NAALADL2: variants seen among roughly 807,000 people sequenced by gnomAD.
NAALADL2 encodes inactive N-acetylated-alpha-linked acidic dipeptidase-like protein 2.
Under a neutral mutation model 87.2 loss-of-function variants are expected in NAALADL2, and 76 were observed. The observed-to-expected ratio is 0.87, with a 90% CI of 0.72 to 1.05. The LOEUF is 1.05. Ranked by LOEUF, NAALADL2 falls within the 50% of genes least tolerant of loss-of-function variation. The pLI, the probability that NAALADL2 is intolerant of heterozygous loss-of-function variation, is 0.00. For synonymous variants in NAALADL2, 354 were observed against 331.0 expected, an observed-to-expected ratio of 1.07 and a Z score of -0.75; for missense variants, 1,089 against 945.8, an observed-to-expected ratio of 1.15 and a Z score of -1.99.
chr3:175,797,230 A>G (rs1753607875), intron 13 of NAALADL2, among the ~76,000 whole-genome samples: 1 of 152,192 alleles, frequency 6.6e-6, no homozygotes. Context: ...TTACATTTAT[A>G]AGATCCAAAT....
intron 2 of NAALADL2, among the ~76,000 whole-genome samples, chr3:174,725,154 C>G (rs1732068455): frequency 2.0e-5 from 3 of 152,184 alleles, no homozygotes; most frequent in Non-Finnish European, 4.4e-5. Flanking sequence ...AGGTACTCTT[C>G]TAGTTCCACT....
chr3:174,870,026 AAAAAG>A (rs1727617889), intron 1 of NAALADL2, among the ~76,000 whole-genome samples: 2 of 150,728 alleles, frequency 1.3e-5, no homozygotes, highest in African/African-American at 2.4e-5. Context: ...AAAAAAAAAA[AAAAAG>A]GCTAATTATG....
intron 3 of NAALADL2, among the ~76,000 whole-genome samples, chr3:174,811,063 T>G (rs2109295254): frequency 6.6e-6 from 1 of 152,246 alleles, no homozygotes. Context: ...AGTTGAAAAT[T>G]AGGAGCCTCC....
intron 2 of NAALADL2, among the ~76,000 whole-genome samples, chr3:174,703,188 G>A (rs142276835): frequency 7.7e-4 from 117 of 152,148 alleles, no homozygotes; most frequent in African/African-American, 2.7e-3. Context: ...TGCCCAAGGT[G>A]GAGTGCAGTG....
intron 1 of NAALADL2, among the ~76,000 whole-genome samples, chr3:175,015,440 C>T (rs1750688237): frequency 2.0e-5 from 3 of 152,084 alleles, no homozygotes; most frequent in Admixed American, 1.3e-4. Context: ...TGAGTGGTCA[C>T]TCTCATGTCA....
chr3:174,629,949 T>G (rs1298975484), intron 2 of NAALADL2, among the ~76,000 whole-genome samples: 1 of 152,200 alleles, frequency 6.6e-6, no homozygotes, highest in Non-Finnish European at 1.5e-5. Context: ...AGCGTAATGT[T>G]GTGCATAAAG....
At chr3:174,735,594 C>G (rs1273874599) in intron 2 of NAALADL2, among the ~76,000 whole-genome samples, 1 of 152,160 alleles carries the variant, frequency 6.6e-6, no homozygotes, top group African/African-American at 2.4e-5. Flanking sequence ...GGATCTCACT[C>G]TGTCACCCAG....
intron 2 of NAALADL2, among the ~76,000 whole-genome samples, chr3:174,571,945 C>T (rs1228727852): frequency 6.6e-6 from 1 of 152,040 alleles, no homozygotes; most frequent in Non-Finnish European, 1.5e-5. Context: ...AATGGATAAC[C>T]CCATTGCCTG....
intron 1 of NAALADL2, among the ~76,000 whole-genome samples, chr3:174,486,812 A>G (rs573720265): frequency 7.2e-5 from 11 of 152,092 alleles, no homozygotes; most frequent in Non-Finnish European, 1.3e-4. Context: ...CTTGTGGTGG[A>G]CATTAGATGT....
chr3:175,601,185 G>C (rs1052026202), intron 10 of NAALADL2, among the ~76,000 whole-genome samples: 2 of 151,988 alleles, frequency 1.3e-5, no homozygotes, highest in African/African-American at 4.8e-5. Flanking sequence ...TTACTTTGAA[G>C]CACATTTTAA....
intron 5 of NAALADL2, among the ~76,000 whole-genome samples, chr3:175,415,610 A>C (rs185590158): frequency 6.6e-6 from 1 of 152,156 alleles, no homozygotes; most frequent in Non-Finnish European, 1.5e-5. Context: ...AAACTCATAC[A>C]GTAATACTCA....
chr3:174,897,995 C>A, intron 1 of NAALADL2, among the ~76,000 whole-genome samples: 1 of 140,486 alleles, frequency 7.1e-6, no homozygotes, highest in Non-Finnish European at 1.5e-5. Flanking sequence ...CGCCTGTAGT[C>A]CCAGCTACTT....
At chr3:175,230,445 A>T (rs1388937938) in intron 2 of NAALADL2, among the ~76,000 whole-genome samples, 1 of 152,074 alleles carries the variant, frequency 6.6e-6, no homozygotes, top group Non-Finnish European at 1.5e-5. Context: ...AAAAACTTCT[A>T]TAAATATAGG....
chr3:175,280,414 G>C (rs551625009), intron 4 of NAALADL2, among the ~76,000 whole-genome samples: 44 of 152,076 alleles, frequency 2.9e-4, no homozygotes, highest in African/African-American at 7.9e-4. Context: ...TCATAAAAAA[G>C]GTTTAATGTT....
At chr3:174,723,615 G>T (rs1171709672) in intron 2 of NAALADL2, among the ~76,000 whole-genome samples, 1 of 151,828 alleles carries the variant, frequency 6.6e-6, no homozygotes, top group Non-Finnish European at 1.5e-5. Flanking sequence ...AATTAGCCGG[G>T]CATGGTGGCG....
intron 11 of NAALADL2, among the ~76,000 whole-genome samples, chr3:175,637,940 T>C (rs1728773556): frequency 6.6e-6 from 1 of 152,204 alleles, no homozygotes; most frequent in Non-Finnish European, 1.5e-5. Context: ...TTAGTTGCCA[T>C]ATGTCTCAGT....
chr3:175,178,107 C>A (rs953446624), intron 2 of NAALADL2, among the ~76,000 whole-genome samples: 2 of 151,908 alleles, frequency 1.3e-5, no homozygotes, highest in South Asian at 4.1e-4. Context: ...CCATTCTGCT[C>A]CTCAGTTGTT....
intron 5 of NAALADL2, among the ~76,000 whole-genome samples, chr3:175,434,326 A>C (rs1718264632): frequency 1.3e-5 from 2 of 152,012 alleles, no homozygotes; most frequent in African/African-American, 4.8e-5. Context: ...TCACTTCCTA[A>C]TTAGAGGTGA....
chr3:174,988,642 G>A (rs1307051667), intron 1 of NAALADL2, among the ~76,000 whole-genome samples: 2 of 152,138 alleles, frequency 1.3e-5, no homozygotes, highest in East Asian at 1.9e-4. Flanking sequence ...TTTATTTCAA[G>A]CCTCTCTCCT....
Sources: gnomAD v4.1 joint callset for allele counts (sites outside exome capture counted in the v4.1 genomes callset) on GRCh38, gnomAD v4.1.1 for gene constraint, MANE v1.5 for transcripts, NCBI Gene and HGNC (gene_info 2026-07-23, HGNC 2026-07-21) for gene names.